The following GREB1 variants were observed in gnomAD, a reference collection of about 807,000 sequenced individuals.
GREB1 encodes the protein growth regulating estrogen receptor binding 1.
In GREB1, 106 loss-of-function variants were observed where a neutral mutation model predicts 200.7. The ratio of observed to expected loss-of-function variants is 0.53; its 90% CI spans 0.45 to 0.62. GREB1 has a LOEUF of 0.62. GREB1 is among the 20% of genes least tolerant of loss of function. The probability of loss-of-function intolerance (pLI) is 0.00; values close to 1 mark genes in which losing one functional copy is unlikely to be tolerated. For missense variants in GREB1, 2,243 were observed against 2,556.8 expected, an observed-to-expected ratio of 0.88 and a Z score of 2.65; for synonymous variants, 1,132 against 1,092.4, an observed-to-expected ratio of 1.04 and a Z score of -0.72.
At chr2:11,631,680 G>A (rs1390537736) in intron 26 of GREB1, among the ~76,000 whole-genome samples, 1 of 152,186 alleles carries the variant, frequency 6.6e-6, no homozygotes, top group Non-Finnish European at 1.5e-5. Context: ...GCATGGGAGA[G>A]TTCTGAGAGG....
At chr2:11,574,503 G>A (rs772171948) in intron 4 of GREB1, among the ~76,000 whole-genome samples, 5 of 152,102 alleles carry the variant, frequency 3.3e-5, no homozygotes, top group East Asian at 3.9e-4. Context: ...CAGTGGGAGC[G>A]GGCTGGGTTG....
intron 5 of GREB1, among the ~76,000 whole-genome samples, chr2:11,576,861 C>T (rs1157685709): frequency 1.3e-5 from 2 of 152,012 alleles, no homozygotes. Context: ...CACAGTGACA[C>T]CCTTCTCTAC....
chr2:11,560,570 A>G (rs1676909929), intron 2 of GREB1, among the ~76,000 whole-genome samples: 2 of 152,082 alleles, frequency 1.3e-5, no homozygotes, highest in African/African-American at 4.8e-5. Flanking sequence ...GCGTAATGGT[A>G]GGTGCCTGTA....
rs144875843 is a variant in GREB1 at position 11,566,585 on chromosome 2, C to T, written c.383C>T (p.Pro128Leu). The T allele has an allele frequency of 3.3e-4, 539 of 1,614,148 alleles. 3 individuals carry two copies. The highest frequency in any genetic ancestry group is 5.3e-4 in the Admixed American group (32 of 60,014). Residue 128 changes from proline to leucine, a missense_variant, in exon 4 of 33, where the codon CCG becomes CTG. Pro to Leu is a moderately conservative substitution (Grantham distance 98). Around this residue, in one of 3 missense-constraint regions of GREB1, gnomAD observed 1,178 missense variants for 1,387.4 expected, o/e 0.85. Transcript: ENST00000381486. ...GTGGGGGTCAAGTCCCCCAGCCTGCCGGACCATCTCCTGGTGTGCGCCGTT... is the reference window on the plus strand; with the variant it reads ...GTGGGGGTCAAGTCCCCCAGCCTGCTGGACCATCTCCTGGTGTGCGCCGTT... Reference protein sequence around the residue: ...LLVGVKSPSLPDHLLVCAVDK... With the variant: ...LLVGVKSPSLLDHLLVCAVDK...
intron 1 of GREB1, among the ~76,000 whole-genome samples, chr2:11,546,744 T>C (rs1480480046): frequency 6.6e-6 from 1 of 152,132 alleles, no homozygotes. Context: ...CATCTCGCTT[T>C]TTGTGTGAAT....
chr2:11,518,611 A>C (rs1226673290), intron 1 of GREB1, among the ~76,000 whole-genome samples: 2 of 152,182 alleles, frequency 1.3e-5, no homozygotes, highest in African/African-American at 4.8e-5. Context: ...CATTTGCAGC[A>C]TCTCCTTTAA....
intron 1 of GREB1, among the ~76,000 whole-genome samples, chr2:11,485,237 ATTTAT>A (rs1175054636): frequency 1.3e-5 from 2 of 148,686 alleles, no homozygotes; most frequent in Admixed American, 6.7e-5. Flanking sequence ...TAGAAGCAAC[ATTTAT>A]TTTATTTTAT....
intron 22 of GREB1, among the ~76,000 whole-genome samples, chr2:11,619,477 T>C (rs1683822543): frequency 6.6e-6 from 1 of 152,228 alleles, no homozygotes; most frequent in Non-Finnish European, 1.5e-5. Context: ...TCAGTATCCA[T>C]TTGTTTCTTA....
chr2:11,486,021 A>G (rs1672647615), intron 1 of GREB1, among the ~76,000 whole-genome samples: 1 of 152,198 alleles, frequency 6.6e-6, no homozygotes, highest in South Asian at 2.1e-4. Flanking sequence ...TGGGCTGGTG[A>G]CAGGAACTTG....
At chr2:11,501,354 C>T (rs1020974554) in intron 1 of GREB1, among the ~76,000 whole-genome samples, 1 of 152,178 alleles carries the variant, frequency 6.6e-6, no homozygotes, top group Non-Finnish European at 1.5e-5. Flanking sequence ...ACATTTGCTG[C>T]AGATCTCCGA....
At chr2:11,632,207 A>G in intron 27 of GREB1, 94 bp downstream of exon 27, 1 of 876,824 alleles carries the variant, frequency 1.1e-6, no homozygotes, top group Non-Finnish European at 1.8e-6. Context: ...ATGTGACATC[A>G]GGCCTTTTAC....
chr2:11,488,225 G>A (rs1187599765), intron 1 of GREB1, among the ~76,000 whole-genome samples: 1 of 152,180 alleles, frequency 6.6e-6, no homozygotes, highest in African/African-American at 2.4e-5. Flanking sequence ...CCAGCAGTCT[G>A]TGGTTTAACG....
intron 27 of GREB1, among the ~76,000 whole-genome samples, chr2:11,632,513 G>GT (rs1175586671): frequency 6.6e-6 from 1 of 151,720 alleles, no homozygotes; most frequent in Non-Finnish European, 1.5e-5. Flanking sequence ...TAATTTTTGT[G>GT]TTTTTGTAGA....
In GREB1 at chr2:11,629,334, G is replaced by C. The variant is rs774580674; in HGVS notation, c.4450-614G>C. On this transcript the variant is annotated intron_variant, in intron 25 of 32. Transcript: ENST00000381486. The surrounding 1 kb of genome is among the most constrained non-coding windows in gnomAD (Gnocchi z 5.2). ...ACAGATGTGGGGTGTGAGGCTCCTG[G>C]GAAGTGGAGGCTGGAGGAGGTGACT... is the stretch of plus-strand genomic sequence containing the variant. 6.6e-6 allele frequency among the ~76,000 whole-genome samples: 1 copy of C among 152,160 alleles called. No homozygotes were observed. The highest frequency in any genetic ancestry group is 1.9e-4 in the East Asian group (1 of 5,172).
At chr2:11,630,558 C>G (rs1419655678) in intron 26 of GREB1, among the ~76,000 whole-genome samples, 2 of 152,158 alleles carry the variant, frequency 1.3e-5, no homozygotes, top group African/African-American at 4.8e-5. Context: ...CCCTAGGGCC[C>G]ATTACCAACT....
intron 2 of GREB1, among the ~76,000 whole-genome samples, chr2:11,559,050 G>A (rs1676716927): frequency 6.6e-6 from 1 of 152,158 alleles, no homozygotes; most frequent in African/African-American, 2.4e-5. Context: ...ACAGGATGTA[G>A]GTAAAATCCT....
rs1197029057 is a variant in GREB1, at chr2:11,538,308, AG to A, written c.-162+4056del. Among the ~76,000 whole-genome samples the A allele has an allele frequency of 7.2e-5, 11 of 152,340 alleles. No homozygotes were observed. In the East Asian group the frequency reaches 1.9e-3, roughly 27 times the overall value. On this transcript the variant is annotated intron_variant, in intron 1 of 32. Transcript: ENST00000381486. ...CCTGGCAATTTTGGGGACTGAGCCC[AG>A]GAACAGCTGGGAACTCTCCTCCCTG... is the stretch of plus-strand genomic sequence containing the variant.
intron 23 of GREB1, among the ~76,000 whole-genome samples, chr2:11,622,130 G>A (rs1482279272): frequency 1.3e-5 from 2 of 152,150 alleles, no homozygotes; most frequent in Non-Finnish European, 2.9e-5. Flanking sequence ...GCCCGGGCTG[G>A]AGTGCAGTGG....
Position 11,548,622 on chromosome 2 carries a change from TTTC to T in GREB1, c.-161-7826_-161-7824del, listed in dbSNP as rs1675521105. 2.6e-5 allele frequency among the ~76,000 whole-genome samples: 4 copies of T among 152,098 alleles called. No individual in the cohort carries two copies. Among genetic ancestry groups the T allele is most frequent in the Admixed American group, 2.6e-4 (4 of 15,268 alleles). ...CAGATAATTAAATCTGTTGCCCTGT[TTTC>T]TTCTTGGAGGCCTCCTTCCTGGAGC... On this transcript the variant is annotated intron_variant, in intron 1 of 32. Coordinates refer to ENST00000381486, the MANE Select transcript of GREB1 (RefSeq NM_014668.4). This position sits in a 1 kb window ranked among gnomAD's most constrained non-coding sequence, Gnocchi z 5.1.
Sources: allele counts gnomAD v4.1 joint callset (sites outside exome capture counted in the v4.1 genomes callset), GRCh38; gene constraint gnomAD v4.1.1; regional missense constraint gnomAD v4.1.1; non-coding constraint Gnocchi (gnomAD v3.1); transcripts MANE v1.5; gene names NCBI Gene and HGNC (gene_info 2026-07-23, HGNC 2026-07-21).